The following MTRF1L variants were observed in gnomAD, a reference collection of about 807,000 sequenced individuals.
MTRF1L encodes mitochondrial translation release factor 1 like, also known as peptide chain release factor 1-like, mitochondrial.
In MTRF1L, 29 loss-of-function variants were observed where a neutral mutation model predicts 40.0. That is an observed-to-expected ratio of 0.73 (90% CI 0.54 to 0.99). The LOEUF is 0.99. Among genes scored for constraint, MTRF1L ranks in the 50% least tolerant of loss-of-function variants. The pLI is 0.00. For missense variants in MTRF1L, 412 were observed against 464.5 expected (o/e 0.89, Z 1.04); for synonymous variants, 150 against 175.8 (o/e 0.85, Z 1.16).
chr6:152,994,783 G>T, intron 3 of MTRF1L, 107 bp from the exon 4 acceptor site: 1 of 1,313,732 alleles, frequency 7.6e-7, no homozygotes, highest in Non-Finnish European at 1.1e-6. Context: ...CATAAAAGGA[G>T]ATGAACATGG....
At chr6:152,998,926 C>T (rs909244345) in intron 1 of MTRF1L, among the ~76,000 whole-genome samples, 1 of 152,050 alleles carries the variant, frequency 6.6e-6, no homozygotes, top group Admixed American at 6.5e-5. Context: ...AATTTCATCT[C>T]CATGAAATAT....
intron 5 of MTRF1L, among the ~76,000 whole-genome samples, chr6:152,991,782 C>T (rs1778531707): frequency 6.6e-6 from 1 of 152,158 alleles, no homozygotes; most frequent in Non-Finnish European, 1.5e-5. Flanking sequence ...ATCTCCTGAC[C>T]TCGTGATCCG....
intron 5 of MTRF1L, 67 bp downstream of exon 5, chr6:152,992,790 G>T (rs1172157705): frequency 8.4e-7 from 1 of 1,193,030 alleles, no homozygotes; most frequent in Non-Finnish European, 1.2e-6. Context: ...TATTTCAGTG[G>T]AAAATTAGTC....
chr6:152,994,876 C>T lies in MTRF1L; in HGVS notation c.524-200G>A, dbSNP rs904662775. ...AGTACTAAACAAAGCATTTATGGGG[C>T]TAATCAGTTGACATCAGTAACACAT... is the stretch of plus-strand genomic sequence containing the variant. On this transcript the variant is annotated intron_variant, in intron 3 of 6. Coordinates refer to ENST00000367233, the MANE Select transcript of MTRF1L (RefSeq NM_019041.7). 6.5e-6 allele frequency: 5 copies of T among 766,336 alleles called. No individual in the cohort carries two copies. In the African/African-American group the frequency reaches 7.1e-5, roughly 11 times the overall value. 47.5% of individuals were successfully genotyped at this position (766,336 alleles called of 1,614,324 possible). A position where few individuals can be genotyped will look rare whatever the true frequency, so the allele number is the denominator to read the frequency against.
In MTRF1L at chr6:152,990,039, C is replaced by G; in HGVS notation, c.999G>C (p.Arg333=). The change falls in exon 7 of 7, where the codon CGG becomes CGC. Residue 333 remains arginine (R), a synonymous_variant. Coordinates refer to ENST00000367233, the MANE Select transcript of MTRF1L (RefSeq NM_019041.7). ...TCTTGTTTATTCTGTGATCTGTGAC[C>G]CGGTTCTGTGGAAAATTATATGTTC... ...KIRTYNFPQN[R]VTDHRINKTL... 5 of 1,613,768 alleles carry G rather than the reference C, an allele frequency of 3.1e-6. No homozygotes were observed. The highest frequency in any genetic ancestry group is 4.2e-6 in the Non-Finnish European group (5 of 1,179,914).
At position 152,990,094 on chromosome 6, in the gene MTRF1L, A is replaced by T. The variant is rs1417659796; in HGVS notation, c.944T>A (p.Ile315Asn). ...TTTCTCTGATCTTCCTTTACTTCCA[A>T]TCTGTATATAGAGAAAAAGATGAGA... Reference protein sequence around the residue: ...NKRQNARKIQIGSKGRSEKIR... With the variant: ...NKRQNARKIQNGSKGRSEKIR... The change falls in exon 7 of 7, where the codon ATT (isoleucine) becomes AAT (asparagine). Residue 315 changes from isoleucine (I) to asparagine (N), a missense_variant and splice_region_variant. Transcript: ENST00000367233. 2 of 1,613,562 alleles carry T rather than the reference A, an allele frequency of 1.2e-6. No individual in the cohort carries two copies. The highest frequency in any genetic ancestry group is 2.7e-5 in the African/African-American group (2 of 74,824).
At chr6:152,992,289 G>A (rs115986434) in intron 5 of MTRF1L, among the ~76,000 whole-genome samples, 1,561 of 152,246 alleles carry the variant, frequency 0.01, 19 homozygotes, top group African/African-American at 0.035. Flanking sequence ...TGTGAAAGAC[G>A]TTTAGTTCGA....
At chr6:152,990,199 A>C in intron 6 of MTRF1L, 104 bp from the exon 7 acceptor site, 8 of 1,394,582 alleles carry the variant, frequency 5.7e-6, no homozygotes, top group Non-Finnish European at 7.5e-6. Context: ...AACATGAATC[A>C]AATGCGAGAA....
Position 152,998,569 on chromosome 6 carries a change from A to C in MTRF1L, c.320T>G (p.Ile107Arg), listed in dbSNP as rs1778799034. Residue 107 changes from isoleucine (I) to arginine (R), a missense_variant, in exon 2 of 7, where the codon ATA becomes AGA. Ile to Arg is a moderately conservative substitution (Grantham distance 97). Coordinates refer to ENST00000367233, the MANE Select transcript of MTRF1L (RefSeq NM_019041.7). ...ENEITLCQKE[I>R]TQLKHQIILL... Reference sequence around the variant, plus strand: ...CCATACCTGATGCTTCAGCTGAGTTATTTCTTTTTGACACAAAGTGATTTC... The same window carrying C: ...CCATACCTGATGCTTCAGCTGAGTTCTTTCTTTTTGACACAAAGTGATTTC... 1 of 1,594,684 alleles carries C rather than the reference A, an allele frequency of 6.3e-7. No individual in the cohort carries two copies. The highest frequency in any genetic ancestry group is 1.1e-5 in the South Asian group (1 of 87,446).
chr6:152,994,819 C>T, intron 3 of MTRF1L, 143 bp from the exon 4 acceptor site: 2 of 1,040,130 alleles, frequency 1.9e-6, no homozygotes, highest in East Asian at 5.2e-5. Context: ...TTAAAATATT[C>T]AATGTTTTAA....
chr6:152,994,394 A>T (rs1244980338), intron 4 of MTRF1L, 119 bp downstream of exon 4: 2 of 1,059,502 alleles, frequency 1.9e-6, no homozygotes, highest in African/African-American at 1.6e-5. Flanking sequence ...ATAATATGCA[A>T]CTCAAAATAC....
Position 152,995,121 on chromosome 6 carries a change from G to A in MTRF1L, c.523+15C>T. 1 of 1,584,066 alleles carries A rather than the reference G, an allele frequency of 6.3e-7. No homozygotes were observed. The highest frequency in any genetic ancestry group is 1.2e-5 in the South Asian group (1 of 86,066). On this transcript the variant is annotated intron_variant, in intron 3 of 6. Coordinates refer to ENST00000367233, the MANE Select transcript of MTRF1L (RefSeq NM_019041.7). ...CTAAACACTTTACCTGAAACAAAAT[G>A]AATAGTTTACTGACCTAGTTCACTT...
chr6:152,998,630 C>A lies in MTRF1L; in HGVS notation c.260-1G>T. ...AGTTTCCTTAAATCTTCATTCTCAT[C>A]TAGGAAAAAAAGGGCAGAAGTTAAG... On this transcript the variant is annotated splice_acceptor_variant, in intron 1 of 6. Coordinates refer to ENST00000367233, the MANE Select transcript of MTRF1L (RefSeq NM_019041.7). LOFTEE classifies it high-confidence loss of function. 1 of 1,583,518 alleles carries A rather than the reference C, an allele frequency of 6.3e-7. No individual in the cohort carries two copies. The highest frequency in any genetic ancestry group is 8.6e-7 in the Non-Finnish European group (1 of 1,168,544).
chr6:153,002,454 G>A lies in MTRF1L; in HGVS notation c.232C>T (p.Leu78=). 1 of 1,613,914 alleles carries A rather than the reference G, an allele frequency of 6.2e-7. No homozygotes were observed. The highest frequency in any genetic ancestry group is 8.5e-7 in the Non-Finnish European group (1 of 1,179,834). ...IKLLNEKERE[L]RETEHLLHDE... is the part of the protein sequence containing the mutation. Reference sequence around the variant, plus strand: ...TGCAGCAAGTGCTCAGTCTCCCGCAGCTCCCGCTCCTTCTCGTTCAGCAGT... The same window carrying A: ...TGCAGCAAGTGCTCAGTCTCCCGCAACTCCCGCTCCTTCTCGTTCAGCAGT... The change falls in exon 1 of 7, where the codon CTG becomes TTG. Residue 78 remains leucine (L), a synonymous_variant. Coordinates refer to ENST00000367233, the MANE Select transcript of MTRF1L (RefSeq NM_019041.7).
intron 5 of MTRF1L, among the ~76,000 whole-genome samples, chr6:152,992,152 C>T (rs1778545080): frequency 6.6e-6 from 1 of 152,224 alleles, no homozygotes; most frequent in African/African-American, 2.4e-5. Flanking sequence ...GCCTCAACCA[C>T]TATTAGTTAA....
At chr6:152,991,622 C>A (rs1778522164) in intron 5 of MTRF1L, among the ~76,000 whole-genome samples, 1 of 152,192 alleles carries the variant, frequency 6.6e-6, no homozygotes, top group Admixed American at 6.5e-5. Context: ...TCTCGGCTCA[C>A]TGCAAGCTCC....
chr6:152,998,369 A>G, intron 2 of MTRF1L, 181 bp downstream of exon 2: 1 of 424,696 alleles, frequency 2.4e-6, no homozygotes, highest in Non-Finnish European at 4.1e-6. Flanking sequence ...ATCACATCAT[A>G]TACCTTAAAT....
intron 1 of MTRF1L, among the ~76,000 whole-genome samples, chr6:152,999,497 A>C (rs1778835354): frequency 6.6e-6 from 1 of 152,056 alleles, no homozygotes; most frequent in Non-Finnish European, 1.5e-5. Context: ...AACAAAAAAT[A>C]ACCTAAACCC....
chr6:152,998,710 G>C (rs968408218), intron 1 of MTRF1L, 81 bp from the exon 2 acceptor site: 11 of 888,504 alleles, frequency 1.2e-5, no homozygotes, highest in Non-Finnish European at 1.8e-5. Context: ...TAGTTTTATG[G>C]TTATTATAGC....
Sources: allele counts gnomAD v4.1 joint callset (sites outside exome capture counted in the v4.1 genomes callset), GRCh38; gene constraint gnomAD v4.1.1; transcripts MANE v1.5; gene names NCBI Gene and HGNC (gene_info 2026-07-23, HGNC 2026-07-21).